Variants in CELA2B observed in about 807,000 individuals in gnomAD.
The protein encoded by CELA2B is chymotrypsin like elastase 2B, also known as chymotrypsin-like elastase family member 2B.
A neutral mutation model predicts 36.5 loss-of-function variants in CELA2B; 27 were observed. The ratio of observed to expected loss-of-function variants is 0.74; its 90% CI spans 0.55 to 1.02. CELA2B has a LOEUF of 1.02. Ranked by LOEUF, CELA2B falls within the 50% of genes least tolerant of loss-of-function variation. The probability of loss-of-function intolerance (pLI) is 0.00; values close to 1 mark genes in which losing one functional copy is unlikely to be tolerated. For synonymous variants in CELA2B, 143 were observed against 148.5 expected, an observed-to-expected ratio of 0.96 and a Z score of 0.27; for missense variants, 340 against 347.8, an observed-to-expected ratio of 0.98 and a Z score of 0.18.
At chr1:15,489,025 G>A (rs1324103928) in intron 7 of CELA2B, among the ~76,000 whole-genome samples, 12 of 152,226 alleles carry the variant, frequency 7.9e-5, no homozygotes, top group African/African-American at 2.2e-4. Context: ...AAACCCATCT[G>A]AGTCCACCTT....
chr1:15,490,580 T>A (rs879659463), intron 7 of CELA2B, among the ~76,000 whole-genome samples: 2 of 152,142 alleles, frequency 1.3e-5, no homozygotes, highest in Non-Finnish European at 2.9e-5. Context: ...ATCAAAATGT[T>A]TAACAGGCTG....
At chr1:15,479,226 C>T (rs1263597207) in intron 2 of CELA2B, among the ~76,000 whole-genome samples, 2 of 152,052 alleles carry the variant, frequency 1.3e-5, no homozygotes, top group East Asian at 1.9e-4. Flanking sequence ...GTCACAAAAA[C>T]GAGAAATGCC....
At chr1:15,479,110 A>C (rs1708711222) in intron 2 of CELA2B, among the ~76,000 whole-genome samples, 1 of 152,210 alleles carries the variant, frequency 6.6e-6, no homozygotes, top group Non-Finnish European at 1.5e-5. Flanking sequence ...TGGTTTCAGC[A>C]CATTTTTAAA....
chr1:15,484,289 T>C (rs934500181), intron 5 of CELA2B, among the ~76,000 whole-genome samples: 14 of 152,148 alleles, frequency 9.2e-5, no homozygotes, highest in Admixed American at 5.2e-4. Context: ...GGGTCAGAGA[T>C]CCAATGACAG....
rs555098861 is a variant in CELA2B, at chr1:15,487,679, A to G, written c.792+242A>G. On this transcript the variant is annotated intron_variant, in intron 7 of 7. Coordinates refer to ENST00000375910, the MANE Select transcript of CELA2B (RefSeq NM_015849.3). ...ATGGCCTTGTCCAAAGACGTTGGACACTCCTCAGGTACGTTAAGAGTGAGT... is the reference window on the plus strand; with the variant it reads ...ATGGCCTTGTCCAAAGACGTTGGACGCTCCTCAGGTACGTTAAGAGTGAGT... Among the ~76,000 whole-genome samples, 379 of 152,168 alleles carry G rather than the reference A, an allele frequency of 2.5e-3. 2 individuals are homozygous for G. Among genetic ancestry groups the G allele is most frequent in the Non-Finnish European group, 4.4e-3 (298 of 68,006 alleles).
At chr1:15,485,640 C>T (rs1446672442) in intron 5 of CELA2B, among the ~76,000 whole-genome samples, 1 of 152,180 alleles carries the variant, frequency 6.6e-6, no homozygotes, top group Non-Finnish European at 1.5e-5. Context: ...CCTCTGGAAC[C>T]GGAATCTCTT....
chr1:15,490,242 ATCTATCTATCT>A (rs1299229449), intron 7 of CELA2B, among the ~76,000 whole-genome samples: 1 of 142,820 alleles, frequency 7.0e-6, no homozygotes, highest in African/African-American at 2.5e-5. Flanking sequence ...CTATCTATCT[ATCTATCTATCT>A]ATCTATATAC....
chr1:15,488,827 G>A (rs1279339322), intron 7 of CELA2B, among the ~76,000 whole-genome samples: 1 of 152,210 alleles, frequency 6.6e-6, no homozygotes, highest in Non-Finnish European at 1.5e-5. Context: ...AAATAAGCAG[G>A]TGGCTGCTTC....
Position 15,482,356 on chromosome 1 carries a change from G to A in CELA2B, c.319G>A (p.Val107Met), listed in dbSNP as rs756008525. The change falls in exon 4 of 8, where the codon GTG becomes ATG. Residue 107 changes from valine (V) to methionine (M), a missense_variant. By Grantham distance (21) the Val-to-Met change is conservative. Coordinates refer to ENST00000375910, the MANE Select transcript of CELA2B (RefSeq NM_015849.3). Reference sequence around the variant, plus strand: ...GGCCGTCAGTGTCTCTAAGATTGTGGTGCACAAGGACTGGAACTCCGACCA... The same window carrying A: ...GGCCGTCAGTGTCTCTAAGATTGTGATGCACAAGGACTGGAACTCCGACCA... ...SLAVSVSKIV[V>M]HKDWNSDQVS... The A allele has an allele frequency of 6.8e-6, 11 of 1,614,136 alleles. 1 individual carries two copies. Among genetic ancestry groups the A allele is most frequent in the Middle Eastern group, 1.7e-4 (1 of 6,058 alleles).
rs956846228 is a variant in CELA2B at position 15,491,384 on chromosome 1, C to T, written c.*72C>T. 51 of 1,555,888 alleles carry T rather than the reference C, an allele frequency of 3.3e-5. No individual in the cohort carries two copies. The highest frequency in any genetic ancestry group is 4.1e-5 in the Non-Finnish European group (46 of 1,127,694). ...AGGAAAATAATATTATATAAAGTGA[C>T]AACTATGCAAATCACATCTTGATGA... On this transcript the variant is annotated 3_prime_UTR_variant, in exon 8 of 8. Coordinates refer to ENST00000375910, the MANE Select transcript of CELA2B (RefSeq NM_015849.3).
Position 15,487,438 on chromosome 1 carries a change from G to C in CELA2B, c.792+1G>C. On this transcript the variant is annotated splice_donor_variant, in intron 7 of 7. Coordinates refer to ENST00000375910, the MANE Select transcript of CELA2B (RefSeq NM_015849.3). LOFTEE classifies it high-confidence loss of function. The stretch of plus-strand genomic sequence containing the variant: ...CAACTACAACGACTGGATCAATTCG[G>C]TAAGAACCGGAGCAGCCCTGAGCCC... 1.9e-6 allele frequency: 3 copies of C among 1,614,194 alleles called. No individual in the cohort carries two copies. Among genetic ancestry groups the C allele is most frequent in the South Asian group, 1.1e-5 (1 of 91,088 alleles).
rs577914040 is a variant in CELA2B, at chr1:15,476,176, T to C, written c.40+11T>C. The C allele has an allele frequency of 3.7e-6, 6 of 1,614,130 alleles. No individual in the cohort carries two copies. The East Asian group carries it at 1.3e-4, about 36-fold the overall frequency. On this transcript the variant is annotated intron_variant, in intron 1 of 7. Transcript: ENST00000375910. Reference sequence around the variant, plus strand: ...CTTTGGTGGCTGGAGGTAAGTCCTGTCACCCAGAGGCACTGGTTTCCCATC... The same window carrying C: ...CTTTGGTGGCTGGAGGTAAGTCCTGCCACCCAGAGGCACTGGTTTCCCATC...
chr1:15,482,295 C>T lies in CELA2B; in HGVS notation c.258C>T (p.Gly86=). The change falls in exon 4 of 8, where the codon GGC becomes GGT. Residue 86 remains glycine (G), a synonymous_variant. Coordinates refer to ENST00000375910, the MANE Select transcript of CELA2B (RefSeq NM_015849.3). ...SSSGIYRVML[G]QHNLYVAESG... is the part of the protein sequence containing the mutation. ...CCGGGATCTACCGCGTGATGCTGGG[C>T]CAGCATAACCTCTACGTTGCAGAGT... The T allele has an allele frequency of 6.2e-7, 1 of 1,614,040 alleles. No homozygotes were observed. Among genetic ancestry groups the T allele is most frequent in the Non-Finnish European group, 8.5e-7 (1 of 1,179,962 alleles).
chr1:15,487,625 TA>T (rs1708821967), intron 7 of CELA2B, among the ~76,000 whole-genome samples, 188 bp downstream of exon 7: 3 of 152,140 alleles, frequency 2.0e-5, no homozygotes, highest in South Asian at 4.1e-4. Flanking sequence ...TCTGTGTGGG[TA>T]AAGCTGAGTG....
intron 7 of CELA2B, among the ~76,000 whole-genome samples, chr1:15,490,234 A>ATCTG (rs904400793): frequency 1.5e-5 from 2 of 137,804 alleles, no homozygotes; most frequent in African/African-American, 5.7e-5. Flanking sequence ...CTATCTATCT[A>ATCTG]TCTATCTATC....
chr1:15,482,234 T>G (rs776526114), intron 3 of CELA2B, 31 bp from the exon 4 acceptor site: 5 of 1,611,976 alleles, frequency 3.1e-6, no homozygotes, highest in Non-Finnish European at 3.4e-6. Flanking sequence ...CCTCTGGAGG[T>G]GACCCTCTCC....
intron 2 of CELA2B, among the ~76,000 whole-genome samples, chr1:15,480,832 C>G (rs1234449723): frequency 2.6e-5 from 4 of 152,056 alleles, no homozygotes; most frequent in African/African-American, 9.7e-5. Context: ...CTGGGCTCAA[C>G]CCATCCTCCT....
rs142160670 is a variant in CELA2B, at chr1:15,476,148, C to A, written c.23C>A (p.Ser8Tyr). The change falls in exon 1 of 8, where the codon TCC becomes TAC. Residue 8 changes from serine (S) to tyrosine (Y), a missense_variant. Physicochemically the swap from Ser to Tyr is moderately radical, Grantham distance 144. Transcript: ENST00000375910. Reference protein sequence around the residue: MIRTLLLSTLVAGALSCG... With the variant: MIRTLLLYTLVAGALSCG... Reference sequence around the variant, plus strand: ...ACCATGATTAGGACCCTGCTGCTGTCCACTTTGGTGGCTGGAGGTAAGTCC... The same window carrying A: ...ACCATGATTAGGACCCTGCTGCTGTACACTTTGGTGGCTGGAGGTAAGTCC... The A allele has an allele frequency of 1.7e-5, 27 of 1,614,120 alleles. No individual in the cohort carries two copies. The Middle Eastern group carries it at 5.0e-4, about 30-fold the overall frequency.
chr1:15,485,739 A>C, intron 5 of CELA2B, 162 bp from the exon 6 acceptor site: 1 of 894,758 alleles, frequency 1.1e-6, no homozygotes, highest in East Asian at 2.4e-5. Flanking sequence ...AGTGGCCAGC[A>C]CACTAACCAA....
Sources: gnomAD v4.1 joint callset for allele counts (sites outside exome capture counted in the v4.1 genomes callset) on GRCh38, gnomAD v4.1.1 for gene constraint, MANE v1.5 for transcripts, NCBI Gene and HGNC (gene_info 2026-07-23, HGNC 2026-07-21) for gene names.